INTS2: variants seen among roughly 807,000 people sequenced by gnomAD.
INTS2 encodes the protein KIAA1287.
INTS2 carries 57 observed loss-of-function variants against 139.6 expected under a neutral mutation model. The ratio of observed to expected loss-of-function variants is 0.41; its 90% confidence interval spans 0.33 to 0.51. The LOEUF is 0.51. Among genes scored for constraint, INTS2 ranks in the 20% least tolerant of loss-of-function variants. The pLI is 0.28. For missense variants in INTS2, 1,196 were observed against 1,436.7 expected (o/e 0.83, Z 2.71); for synonymous variants, 473 against 493.4 (o/e 0.96, Z 0.55).
chr17:61,917,276 CACTGCTGGATATAT>C (rs1422265290), intron 5 of INTS2, among the ~76,000 whole-genome samples: 2 of 152,322 alleles, frequency 1.3e-5, no homozygotes, highest in East Asian at 3.9e-4. Flanking sequence ...CCAGCAGTCT[CACTGCTGGATATAT>C]ACTCAAAGGA....
chr17:61,867,887 C>T lies in INTS2; in HGVS notation c.3367G>A (p.Val1123Ile), dbSNP rs772400600. ...TGAGTGGCAACATCAGAGGCACAAACTTGCCCTATTTGGATCAGCAAAGAC... is the reference window on the plus strand; with the variant it reads ...TGAGTGGCAACATCAGAGGCACAAATTTGCCCTATTTGGATCAGCAAAGAC... ...IMSLLIQIGQ[V>I]CASDVATQTR... Residue 1123 changes from valine (V) to isoleucine (I), a missense_variant, in exon 24 of 25, where the codon GTT becomes ATT. This residue lies in a region of INTS2 where 1,129 missense variants were observed against 1,341.9 expected (regional missense o/e 0.84). Coordinates refer to ENST00000251334, the MANE Select transcript of INTS2 (RefSeq NM_001351695.2). The surrounding 1 kb of genome is among the most constrained non-coding windows in gnomAD (Gnocchi z 5.6). The T allele has an allele frequency of 5.1e-5, 82 of 1,610,656 alleles. 1 individual carries two copies. Among genetic ancestry groups the T allele is most frequent in the Non-Finnish European group, 5.1e-5 (60 of 1,178,946 alleles).
intron 16 of INTS2, 150 bp downstream of exon 16, chr17:61,884,751 A>G (rs1177674699): frequency 4.7e-6 from 3 of 632,992 alleles, no homozygotes; most frequent in Admixed American, 3.1e-5. Flanking sequence ...AATAACTGAA[A>G]TAATAGATTT....
At position 61,885,016 on chromosome 17, in the gene INTS2, TA is replaced by T. The variant is rs755346752; in HGVS notation, c.1985-12del. 1.3e-6 allele frequency: 2 copies of T among 1,493,546 alleles called. No homozygotes were observed. The highest frequency in any genetic ancestry group is 1.8e-6 in the Non-Finnish European group (2 of 1,088,628). The allele number at this position is 1,493,546 out of a possible 1,614,324, so 92.5% of individuals were successfully genotyped here. On this transcript the variant is annotated splice_polypyrimidine_tract_variant and intron_variant, in intron 15 of 24. Transcript: ENST00000251334. ...TTCTTTGCATGGCAGCTATCAAAGA[TA>T]AAAAGTGTAAAATAAATAAAATGTC...
chr17:61,914,531 C>CACGTGAAACCGTGTTAAA (rs2079558509), intron 5 of INTS2, among the ~76,000 whole-genome samples: 1 of 151,858 alleles, frequency 6.6e-6, no homozygotes, highest in African/African-American at 2.4e-5. Context: ...AACCGTGTTA[C>CACGTGAAACCGTGTTAAA]TACTAAAAAT....
chr17:61,891,188 G>A (rs940368868), intron 14 of INTS2, among the ~76,000 whole-genome samples: 10 of 151,586 alleles, frequency 6.6e-5, no homozygotes, highest in Non-Finnish European at 8.8e-5. Flanking sequence ...CTAGCTACTC[G>A]AGAGACTGAG....
chr17:61,898,945 T>G (rs1310860895), intron 9 of INTS2, among the ~76,000 whole-genome samples: 1 of 152,170 alleles, frequency 6.6e-6, no homozygotes, highest in Non-Finnish European at 1.5e-5. Context: ...AAGCTGACGT[T>G]GACTTGTGAA....
chr17:61,892,006 T>C (rs1266596881), intron 13 of INTS2, among the ~76,000 whole-genome samples: 1 of 152,130 alleles, frequency 6.6e-6, no homozygotes, highest in East Asian at 1.9e-4. Context: ...TGTGTCGTCA[T>C]GGGAGAGCTC....
chr17:61,884,659 C>T (rs1188895275), intron 16 of INTS2, among the ~76,000 whole-genome samples: 1 of 151,890 alleles, frequency 6.6e-6, no homozygotes, highest in African/African-American at 2.4e-5. Flanking sequence ...TCATACAGTT[C>T]AACCTACAGG....
intron 2 of INTS2, 37 bp from the exon 3 acceptor site, chr17:61,925,136 A>G (rs1386664557): frequency 1.9e-6 from 3 of 1,571,436 alleles, no homozygotes; most frequent in Non-Finnish European, 8.7e-7. Context: ...TTATGAAAAC[A>G]CTGATATGGA....
intron 14 of INTS2, among the ~76,000 whole-genome samples, chr17:61,891,203 G>A (rs570571740): frequency 1.3e-5 from 2 of 151,812 alleles, no homozygotes; most frequent in African/African-American, 2.4e-5. Context: ...ACTGAGGCAG[G>A]AGAATCACTT....
In INTS2 at chr17:61,924,556, T is replaced by G. The variant is rs193251818; in HGVS notation, c.432+405A>C. On this transcript the variant is annotated intron_variant, in intron 3 of 24. Transcript: ENST00000251334. The stretch of plus-strand genomic sequence containing the variant: ...AGAGAAGGCCGGGCACGGTGACCCA[T>G]GCCTGTAATCCCAACACTTTGGGAG... Among the ~76,000 whole-genome samples the G allele has an allele frequency of 5.7e-3, 870 of 152,290 alleles. 28 individuals carry two copies. The highest frequency in any genetic ancestry group is 0.053 in the Admixed American group (818 of 15,292).
intron 15 of INTS2, among the ~76,000 whole-genome samples, chr17:61,888,564 CGTGTGTGT>C (rs149283427): frequency 8.4e-6 from 1 of 119,596 alleles, no homozygotes; most frequent in Non-Finnish European, 1.8e-5. Flanking sequence ...TGTGTGCGTG[CGTGTGTGT>C]GTGTGTGTGT....
chr17:61,922,509 A>AAAATATATATATATATAT (rs2079654207), intron 3 of INTS2, among the ~76,000 whole-genome samples: 2 of 49,064 alleles, frequency 4.1e-5, no homozygotes, highest in Admixed American at 2.1e-4. Flanking sequence ...AAAACAAACA[A>AAAATATATATATATATAT]ACATATATAT....
chr17:61,908,480 A>T (rs150216783), intron 7 of INTS2, among the ~76,000 whole-genome samples: 269 of 152,330 alleles, frequency 1.8e-3, no homozygotes, highest in Middle Eastern at 6.8e-3. Context: ...ACAATGCCTT[A>T]GTCTTCTCTC....
chr17:61,927,651 T>G lies in INTS2; in HGVS notation c.-19+3A>C. On this transcript the variant is annotated splice_donor_region_variant and intron_variant, in intron 1 of 24. Coordinates refer to ENST00000251334, the MANE Select transcript of INTS2 (RefSeq NM_001351695.2). ...TGAGGCCAGAGAAGCGGACGCTTCATACCTTAAGATCTACCCTCCAGCCTC... is the reference window on the plus strand; with the variant it reads ...TGAGGCCAGAGAAGCGGACGCTTCAGACCTTAAGATCTACCCTCCAGCCTC... The G allele has an allele frequency of 7.2e-7, 1 of 1,385,102 alleles. No homozygotes were observed. The highest frequency in any genetic ancestry group is 9.3e-7 in the Non-Finnish European group (1 of 1,069,830). The allele number at this position is 1,385,102 out of a possible 1,614,324, so 85.8% of individuals were successfully genotyped here.
At chr17:61,921,594 T>C (rs1377730351) in intron 4 of INTS2, 131 bp downstream of exon 4, 6 of 448,896 alleles carry the variant, frequency 1.3e-5, no homozygotes, top group Non-Finnish European at 2.4e-5. Context: ...TTAGTCACTT[T>C]TGACTTAAAA....
In INTS2 at chr17:61,875,438, T is replaced by C. The variant is rs2079119454; in HGVS notation, c.2457-400A>G. Reference sequence around the variant, plus strand: ...TGAAATAAGACTTGCCAAAACATTCTGTATCTAGTTCCATAAATATAAGTC... The same window carrying C: ...TGAAATAAGACTTGCCAAAACATTCCGTATCTAGTTCCATAAATATAAGTC... On this transcript the variant is annotated intron_variant, in intron 18 of 24. Transcript: ENST00000251334. This position sits in a 1 kb window ranked among gnomAD's most constrained non-coding sequence, Gnocchi z 4.6. 6.6e-6 allele frequency among the ~76,000 whole-genome samples: 1 copy of C among 152,232 alleles called. No homozygotes were observed. The highest frequency in any genetic ancestry group is 2.4e-5 in the African/African-American group (1 of 41,462).
chr17:61,877,719 A>G (rs963317757), intron 18 of INTS2, among the ~76,000 whole-genome samples, 168 bp downstream of exon 18: 1 of 152,248 alleles, frequency 6.6e-6, no homozygotes, highest in Admixed American at 6.5e-5. Context: ...TGCTTTACTT[A>G]AAGATATAAC....
intron 1 of INTS2, 80 bp from the exon 2 acceptor site, chr17:61,926,742 A>C (rs78473600): frequency 8.8e-7 from 1 of 1,136,608 alleles, no homozygotes; most frequent in African/African-American, 1.5e-5. Context: ...ACCCTGAAAA[A>C]TGTGGTGTAT....
Sources: gnomAD v4.1 joint callset for allele counts (sites outside exome capture counted in the v4.1 genomes callset) on GRCh38, gnomAD v4.1.1 for gene constraint, gnomAD v4.1.1 regional missense constraint, Gnocchi (gnomAD v3.1) non-coding constraint, MANE v1.5 for transcripts, NCBI Gene and HGNC (gene_info 2026-07-23, HGNC 2026-07-21) for gene names.